The following ULK4 variants were observed in gnomAD, a reference collection of about 807,000 sequenced individuals.
ULK4 encodes the protein unc-51 like kinase 4, also known as inactive serine/threonine-protein kinase ULK4.
Under a neutral mutation model 160.6 loss-of-function variants are expected in ULK4, and 133 were observed. The ratio of observed to expected loss-of-function variants is 0.83; its 90% confidence interval spans 0.72 to 0.96. ULK4 has a LOEUF of 0.96. Ranked by LOEUF, ULK4 falls within the 40% of genes least tolerant of loss-of-function variation. ULK4 has a pLI of 0.00. For synonymous variants in ULK4, 534 were observed against 539.8 expected, an observed-to-expected ratio of 0.99 and a Z score of 0.15; for missense variants, 1,580 against 1,499.5, an observed-to-expected ratio of 1.05 and a Z score of -0.89.
intron 30 of ULK4, among the ~76,000 whole-genome samples, chr3:41,661,510 T>TAGATA (rs11422963): frequency 0.012 from 1,439 of 119,262 alleles, 28 homozygotes; most frequent in African/African-American, 0.07. Context: ...GATAGATAGA[T>TAGATA]GATAGATAGA....
intron 35 of ULK4, among the ~76,000 whole-genome samples, chr3:41,282,516 C>A (rs2079378337): frequency 6.6e-6 from 1 of 152,210 alleles, no homozygotes. Flanking sequence ...ATCATCTGAT[C>A]TTTGACAAAC....
At chr3:41,636,958 T>C (rs2033980657) in intron 30 of ULK4, among the ~76,000 whole-genome samples, 1 of 152,212 alleles carries the variant, frequency 6.6e-6, no homozygotes. Flanking sequence ...TTTATTAATC[T>C]TAATTTTAAA....
chr3:41,925,601 TCAGGCTCAGCGGGTCCCACCCC>T (rs1699355128), intron 5 of ULK4, among the ~76,000 whole-genome samples: 1 of 152,014 alleles, frequency 6.6e-6, no homozygotes, highest in Non-Finnish European at 1.5e-5. Flanking sequence ...AGTCACATGG[TCAGGCTCAGCGGGTCCCACCCC>T]CACGGAGCCC....
In ULK4 at chr3:41,373,775, A is replaced by G. The variant is rs979063274; in HGVS notation, c.3678+24304T>C. Among the ~76,000 whole-genome samples, 5 of 152,358 alleles carry G rather than the reference A, an allele frequency of 3.3e-5. 1 individual carries two copies. Among genetic ancestry groups the G allele is most frequent in the Admixed American group, 1.3e-4 (2 of 15,302 alleles). The stretch of plus-strand genomic sequence containing the variant: ...TTCAAAAGCTAGCAGAAGGCAAGAA[A>G]TAACTAAGGTCACAGCAAAACTGAA... On this transcript the variant is annotated intron_variant, in intron 35 of 36. Coordinates refer to ENST00000301831, the MANE Select transcript of ULK4 (RefSeq NM_017886.4).
At chr3:41,546,070 C>A (rs983464030) in intron 32 of ULK4, among the ~76,000 whole-genome samples, 8 of 152,098 alleles carry the variant, frequency 5.3e-5, no homozygotes, top group Non-Finnish European at 8.8e-5. Context: ...ATTCCAACAT[C>A]TGGGTAATAT....
At chr3:41,282,961 C>T (rs543832746) in intron 35 of ULK4, among the ~76,000 whole-genome samples, 1 of 151,962 alleles carries the variant, frequency 6.6e-6, no homozygotes, top group Non-Finnish European at 1.5e-5. Context: ...CAAGAAAAAA[C>T]AACCCCATCA....
At chr3:41,730,145 G>A (rs7618833) in intron 22 of ULK4, among the ~76,000 whole-genome samples, 20,309 of 151,978 alleles carry the variant, frequency 0.13, 4,416 homozygotes, top group African/African-American at 0.46. Context: ...TACAACAAAA[G>A]CACTTCTAAG....
chr3:41,490,600 G>C (rs1053934612), intron 32 of ULK4, among the ~76,000 whole-genome samples: 4 of 152,152 alleles, frequency 2.6e-5, no homozygotes, highest in African/African-American at 9.7e-5. Context: ...CACATAAAAT[G>C]TTTTTCCCCA....
intron 17 of ULK4, among the ~76,000 whole-genome samples, chr3:41,883,507 G>A (rs1428922564): frequency 6.6e-6 from 1 of 152,230 alleles, no homozygotes; most frequent in Non-Finnish European, 1.5e-5. Context: ...CATTCAAGGT[G>A]AAAGGCCAAA....
intron 32 of ULK4, among the ~76,000 whole-genome samples, chr3:41,515,894 T>G (rs1316793369): frequency 6.6e-6 from 1 of 152,088 alleles, no homozygotes; most frequent in Non-Finnish European, 1.5e-5. Context: ...TAATCAAGGG[T>G]GATAGAAATC....
chr3:41,734,832 C>T (rs940203629), intron 22 of ULK4, among the ~76,000 whole-genome samples: 8 of 152,156 alleles, frequency 5.3e-5, no homozygotes, highest in African/African-American at 1.9e-4. Flanking sequence ...TCAAAAACCT[C>T]TTAACAGTGA....
intron 27 of ULK4, among the ~76,000 whole-genome samples, chr3:41,682,421 T>G (rs1358979049): frequency 6.6e-6 from 1 of 152,256 alleles, no homozygotes; most frequent in African/African-American, 2.4e-5. Context: ...AGTCTAATGA[T>G]GAAAACTACT....
intron 34 of ULK4, among the ~76,000 whole-genome samples, chr3:41,424,902 G>A (rs1008992804): frequency 6.1e-5 from 9 of 147,338 alleles, no homozygotes; most frequent in Middle Eastern, 3.7e-3. Context: ...CCAAATGATC[G>A]CAATACCTCT....
chr3:41,478,772 A>G (rs2125894075), intron 32 of ULK4, among the ~76,000 whole-genome samples: 1 of 152,376 alleles, frequency 6.6e-6, no homozygotes, highest in East Asian at 1.9e-4. Flanking sequence ...TTAAGCAAAT[A>G]TGCCTGGAAG....
At chr3:41,924,691 T>C (rs1215355517) in intron 5 of ULK4, among the ~76,000 whole-genome samples, 4 of 152,198 alleles carry the variant, frequency 2.6e-5, no homozygotes, top group African/African-American at 9.7e-5. Context: ...TTTAAGGACA[T>C]TAAAAGCCTT....
chr3:41,518,237 A>G (rs143328516), intron 32 of ULK4, among the ~76,000 whole-genome samples: 1 of 152,322 alleles, frequency 6.6e-6, no homozygotes, highest in African/African-American at 2.4e-5. Context: ...TATACAGACT[A>G]AAGATCATTT....
chr3:41,608,573 A>C lies in ULK4; in HGVS notation c.3120+7096T>G, dbSNP rs2032500861. Among the ~76,000 whole-genome samples the C allele has an allele frequency of 1.3e-5, 2 of 152,198 alleles. 1 individual carries two copies. Among genetic ancestry groups the C allele is most frequent in the African/African-American group, 4.8e-5 (2 of 41,444 alleles). On this transcript the variant is annotated intron_variant, in intron 31 of 36. Coordinates refer to ENST00000301831, the MANE Select transcript of ULK4 (RefSeq NM_017886.4). ...CTTTGCATTTACAATCAGTCATTTT[A>C]CTTTGTTCCATCTATCAAAGAACTC...
chr3:41,336,704 T>A (rs2080565031), intron 35 of ULK4, among the ~76,000 whole-genome samples: 1 of 152,192 alleles, frequency 6.6e-6, no homozygotes, highest in South Asian at 2.1e-4. Flanking sequence ...TGGATAGGTC[T>A]CCAGCATTTC....
At chr3:41,324,711 A>C (rs895854391) in intron 35 of ULK4, among the ~76,000 whole-genome samples, 2 of 152,128 alleles carry the variant, frequency 1.3e-5, no homozygotes, top group African/African-American at 4.8e-5. Context: ...ACAAAAGCAA[A>C]GGTTTGAGTG....
Sources: allele counts gnomAD v4.1 joint callset (sites outside exome capture counted in the v4.1 genomes callset), GRCh38; gene constraint gnomAD v4.1.1; transcripts MANE v1.5; gene names NCBI Gene and HGNC (gene_info 2026-07-23, HGNC 2026-07-21).